Variants in TBC1D32 observed in about 807,000 individuals in gnomAD.
The protein encoded by TBC1D32 is protein broad-minded.
In TBC1D32, 151 loss-of-function variants were observed where a neutral mutation model predicts 170.3. The observed-to-expected ratio is 0.89, with a 90% CI of 0.78 to 1.01. The LOEUF (loss-of-function observed/expected upper bound fraction) is 1.01, where lower values mean the gene tolerates loss of function less well. Ranked by LOEUF, TBC1D32 falls within the 50% of genes least tolerant of loss-of-function variation. TBC1D32 has a pLI of 0.00. For missense variants in TBC1D32, 1,464 were observed against 1,457.1 expected (o/e 1.00, Z -0.08); for synonymous variants, 498 against 488.0 (o/e 1.02, Z -0.27).
intron 12 of TBC1D32, 136 bp downstream of exon 12, chr6:121,291,917 A>G (rs1355079849): frequency 1.6e-5 from 14 of 892,882 alleles, no homozygotes; most frequent in South Asian, 9.0e-5. Flanking sequence ...TTCAAAGTGT[A>G]TAAGCTATCA....
In TBC1D32 at chr6:121,135,882, T is replaced by A. The variant is rs557579677; in HGVS notation, c.2774-4130A>T. 2.0e-5 allele frequency among the ~76,000 whole-genome samples: 3 copies of A among 152,178 alleles called. No homozygotes were observed. The East Asian group carries it at 5.8e-4, about 29-fold the overall frequency. ...AGTCTTAAAGTAAGGCAATTATACA[T>A]CCACCCTAACAAAAAAATGGAAGCC... On this transcript the variant is annotated intron_variant, in intron 24 of 31. Transcript: ENST00000398212.
At chr6:121,243,639 T>C (rs1381788390) in intron 17 of TBC1D32, among the ~76,000 whole-genome samples, 3 of 152,128 alleles carry the variant, frequency 2.0e-5, no homozygotes, top group Non-Finnish European at 4.4e-5. Context: ...TATATTGTCT[T>C]TTCAAGCAGA....
intron 24 of TBC1D32, among the ~76,000 whole-genome samples, chr6:121,148,787 G>T (rs1299729647): frequency 2.6e-5 from 4 of 151,952 alleles, no homozygotes; most frequent in African/African-American, 9.7e-5. Flanking sequence ...CGAATGTTTG[G>T]ATTTTTAGTA....
intron 24 of TBC1D32, among the ~76,000 whole-genome samples, chr6:121,147,841 C>T (rs1188404499): frequency 6.6e-6 from 1 of 151,674 alleles, no homozygotes; most frequent in African/African-American, 2.4e-5. Flanking sequence ...ATCGGCCTGC[C>T]TCGGCCTCTC....
At chr6:121,103,526 T>A (rs1319483544) in intron 30 of TBC1D32, among the ~76,000 whole-genome samples, 2 of 138,186 alleles carry the variant, frequency 1.4e-5, no homozygotes, top group Non-Finnish European at 3.0e-5. Context: ...TAGGTGGGAA[T>A]TGAACAACGA....
At chr6:121,222,322 T>C (rs1794616328) in intron 21 of TBC1D32, among the ~76,000 whole-genome samples, 1 of 152,192 alleles carries the variant, frequency 6.6e-6, no homozygotes, top group African/African-American at 2.4e-5. Context: ...GGTATGGAAC[T>C]GAACCCGCAA....
intron 12 of TBC1D32, among the ~76,000 whole-genome samples, chr6:121,285,533 T>A (rs1182627085): frequency 3.9e-5 from 6 of 151,980 alleles, no homozygotes; most frequent in Non-Finnish European, 8.8e-5. Flanking sequence ...GTACGAGGGG[T>A]GGAGCCAAGA....
chr6:121,261,054 C>T (rs561723022), intron 15 of TBC1D32, among the ~76,000 whole-genome samples: 1 of 152,258 alleles, frequency 6.6e-6, no homozygotes, highest in South Asian at 2.1e-4. Flanking sequence ...CGGATGCTGA[C>T]TCAACCCTCC....
At chr6:121,291,328 C>T (rs1215179152) in intron 12 of TBC1D32, among the ~76,000 whole-genome samples, 1 of 151,994 alleles carries the variant, frequency 6.6e-6, no homozygotes, top group Non-Finnish European at 1.5e-5. Context: ...ATAGTTGTTT[C>T]AGGCCTGCTA....
At chr6:121,144,695 G>A (rs1240420392) in intron 24 of TBC1D32, among the ~76,000 whole-genome samples, 1 of 152,062 alleles carries the variant, frequency 6.6e-6, no homozygotes, top group Non-Finnish European at 1.5e-5. Context: ...ATGAGTTCAA[G>A]GCAAAGATAA....
intron 22 of TBC1D32, 67 bp from the exon 23 acceptor site, chr6:121,161,123 T>C: frequency 8.2e-7 from 1 of 1,225,464 alleles, no homozygotes; most frequent in Non-Finnish European, 1.2e-6. Flanking sequence ...TTAAATCAAG[T>C]CTCTGGATTG....
intron 24 of TBC1D32, among the ~76,000 whole-genome samples, chr6:121,145,007 T>G (rs557056568): frequency 1.3e-5 from 2 of 152,300 alleles, no homozygotes; most frequent in Admixed American, 6.5e-5. Context: ...ATCTTACCAG[T>G]GGGCTGAAAG....
At chr6:121,115,316 T>C (rs2128200891) in intron 26 of TBC1D32, 75 bp from the exon 27 acceptor site, 1 of 1,065,662 alleles carries the variant, frequency 9.4e-7, no homozygotes, top group Admixed American at 2.7e-5. Flanking sequence ...TGAAAATTGA[T>C]GAAAGCAATA....
chr6:121,307,989 T>C lies in TBC1D32; in HGVS notation c.677A>G (p.Asp226Gly), dbSNP rs758739395. ...EKLTVSLSDPDPVFSDRILKF... is the reference protein window; with the variant it reads ...EKLTVSLSDPGPVFSDRILKF... ...CCATTTTCTTACACTAAACACAGGA[T>C]CAGGATCTGAAAGAGACACGGTCAG... The change falls in exon 5 of 32, where the codon GAT becomes GGT. Residue 226 changes from aspartate to glycine, a missense_variant. This residue lies in a region of TBC1D32 where 1,363 missense variants were observed against 1,338.1 expected (regional missense o/e 1.02). Coordinates refer to ENST00000398212, the MANE Select transcript of TBC1D32 (RefSeq NM_152730.6). 3 of 1,613,282 alleles carry C rather than the reference T, an allele frequency of 1.9e-6. No homozygotes were observed. The highest frequency in any genetic ancestry group is 2.5e-6 in the Non-Finnish European group (3 of 1,179,724).
chr6:121,296,225 A>G (rs1287572356), intron 10 of TBC1D32, among the ~76,000 whole-genome samples: 2 of 152,154 alleles, frequency 1.3e-5, no homozygotes, highest in Admixed American at 1.3e-4. Context: ...ACTTCACTCA[A>G]TGAACTTTTT....
chr6:121,088,967 T>A (rs1413718863), intron 31 of TBC1D32, among the ~76,000 whole-genome samples: 5 of 152,194 alleles, frequency 3.3e-5, no homozygotes, highest in African/African-American at 1.2e-4. Flanking sequence ...AACTCTATTA[T>A]AATTTTTCCC....
At chr6:121,298,918 A>T (rs1316255631) in intron 10 of TBC1D32, among the ~76,000 whole-genome samples, 1 of 152,026 alleles carries the variant, frequency 6.6e-6, no homozygotes, top group Non-Finnish European at 1.5e-5. Flanking sequence ...AGACTTGCTG[A>T]TTTCTTTTTA....
At chr6:121,239,929 C>G (rs971427675) in intron 19 of TBC1D32, among the ~76,000 whole-genome samples, 1 of 152,028 alleles carries the variant, frequency 6.6e-6, no homozygotes, top group Non-Finnish European at 1.5e-5. Flanking sequence ...AATATGGGCT[C>G]TAAAATCAAG....
chr6:121,283,774 T>TGTC, intron 13 of TBC1D32, 44 bp downstream of exon 13: 1 of 1,398,064 alleles, frequency 7.2e-7, no homozygotes, highest in Non-Finnish European at 1.0e-6. Flanking sequence ...TTAAATATTT[T>TGTC]TAGATGTTTT....
Sources: gnomAD v4.1 joint callset for allele counts (sites outside exome capture counted in the v4.1 genomes callset) on GRCh38, gnomAD v4.1.1 for gene constraint, gnomAD v4.1.1 regional missense constraint, MANE v1.5 for transcripts, NCBI Gene and HGNC (gene_info 2026-07-23, HGNC 2026-07-21) for gene names.